The following TMEM164 variants were observed in gnomAD, a reference collection of about 807,000 sequenced individuals.
TMEM164 encodes the protein transmembrane protein 164, also known as RP13-360B22.2.
TMEM164 carries 4 observed loss-of-function variants against 18.8 expected under a neutral mutation model. The ratio of observed to expected loss-of-function variants is 0.21; its 90% CI spans 0.10 to 0.49. The LOEUF is 0.49. Ranked by LOEUF, TMEM164 falls within the 20% of genes least tolerant of loss-of-function variation. The pLI is 0.98. For missense variants in TMEM164, 108 were observed against 239.9 expected, an observed-to-expected ratio of 0.45 and a Z score of 3.63; for synonymous variants, 86 against 101.7, an observed-to-expected ratio of 0.85 and a Z score of 0.93.
chrX:110,177,262 T>A lies in TMEM164; in HGVS notation c.*3811T>A, dbSNP rs773640341. On this transcript the variant is annotated 3_prime_UTR_variant, in exon 7 of 7. Coordinates refer to ENST00000372068, the MANE Select transcript of TMEM164 (RefSeq NM_032227.4). ...CCATTTTGTGTTCTATTTTAAAGAA[T>A]CTTTCATTTATATTGGTGTTATTGT... is the stretch of plus-strand genomic sequence containing the variant. 2 of 113,010 alleles carry A rather than the reference T, an allele frequency of 1.8e-5. No homozygotes were observed. Among genetic ancestry groups the A allele is most frequent in the South Asian group, 3.6e-4 (1 of 2,754 alleles). 9.3% of individuals were successfully genotyped at this position (113,010 alleles called of 1,213,427 possible).
At chrX:110,124,063 C>A (rs1328764969) in intron 4 of TMEM164, among the ~76,000 whole-genome samples, 3 of 108,339 alleles carry the variant, frequency 2.8e-5, no homozygotes, top group Non-Finnish European at 5.7e-5. Flanking sequence ...TTACCATGAG[C>A]CATGATCATG....
At chrX:110,038,937 C>A (rs1490580529) in intron 2 of TMEM164, among the ~76,000 whole-genome samples, 1 of 111,537 alleles carries the variant, frequency 9.0e-6, no homozygotes, top group Admixed American at 9.5e-5. Context: ...TATTTGGTTT[C>A]TCTTTTGATC....
intron 4 of TMEM164, among the ~76,000 whole-genome samples, chrX:110,119,177 A>G (rs1197642767): frequency 8.9e-6 from 1 of 112,673 alleles, no homozygotes; most frequent in Non-Finnish European, 1.9e-5. Flanking sequence ...TTTTAAAAAA[A>G]TCATCACCAA....
At chrX:110,015,782 G>A (rs1272777042) in intron 2 of TMEM164, among the ~76,000 whole-genome samples, 2 of 111,921 alleles carry the variant, frequency 1.8e-5, no homozygotes, top group African/African-American at 6.5e-5. Flanking sequence ...GAAAGGGACC[G>A]CCTCTACATT....
chrX:110,162,640 A>G (rs2067108521), intron 5 of TMEM164, among the ~76,000 whole-genome samples: 1 of 112,316 alleles, frequency 8.9e-6, no homozygotes, highest in South Asian at 3.7e-4. Flanking sequence ...AAGAATGGGG[A>G]ATCAAATATT....
At chrX:110,180,485 A>ACC (rs1235561540), downstream of TMEM164, among the ~76,000 whole-genome samples, 1 of 101,613 alleles carries the variant, frequency 9.8e-6, no homozygotes, top group African/African-American at 4.1e-5. Context: ...TACTGCCTGA[A>ACC]CCCCCCCGCC....
chrX:110,061,475 A>G lies in TMEM164; in HGVS notation c.391-5872A>G, dbSNP rs369211672. 1.2e-4 allele frequency among the ~76,000 whole-genome samples: 13 copies of G among 112,206 alleles called. No homozygotes were observed. In the East Asian group the frequency reaches 1.7e-3, roughly 14 times the overall value. On this transcript the variant is annotated intron_variant, in intron 2 of 6. Coordinates refer to ENST00000372068, the MANE Select transcript of TMEM164 (RefSeq NM_032227.4). ...CTTCTTAGTAGGGATGAATTTGCCA[A>G]TGGGACTAGAAAACATGATATTTAT... is the stretch of plus-strand genomic sequence containing the variant.
At chrX:110,143,838 C>T (rs994031838) in intron 4 of TMEM164, among the ~76,000 whole-genome samples, 7 of 108,269 alleles carry the variant, frequency 6.5e-5, no homozygotes, top group African/African-American at 2.1e-4. Context: ...TGTGTGTACA[C>T]GTGTGTGTGT....
At chrX:110,077,798 C>T (rs1278749919) in intron 3 of TMEM164, among the ~76,000 whole-genome samples, 2 of 112,180 alleles carry the variant, frequency 1.8e-5, no homozygotes, top group African/African-American at 6.5e-5. Flanking sequence ...TCTCTTCTGG[C>T]TTGAAAGGAT....
At chrX:110,092,141 A>G (rs964481791) in intron 3 of TMEM164, among the ~76,000 whole-genome samples, 1 of 111,937 alleles carries the variant, frequency 8.9e-6, no homozygotes, top group Admixed American at 9.5e-5. Context: ...GTCAGATAGC[A>G]TGATGCCTCC....
Position 110,003,815 on chromosome X carries a change from A to G in TMEM164, c.41A>G (p.Tyr14Cys). The change falls in exon 2 of 7, where the codon TAT becomes TGT. Residue 14 changes from tyrosine (Y) to cysteine (C), a missense_variant. Tyr to Cys is a radical substitution (Grantham distance 194). Coordinates refer to ENST00000372068, the MANE Select transcript of TMEM164 (RefSeq NM_032227.4). ...TACCAGAGTCTCCTGGACTGGCTCT[A>G]TGGGGGCGTGGACCCCAGTTTTGCA... is the stretch of plus-strand genomic sequence containing the variant. ...YSYQSLLDWLYGGVDPSFAGN... is the reference protein window; with the variant it reads ...YSYQSLLDWLCGGVDPSFAGN... The G allele has an allele frequency of 2.5e-6, 3 of 1,209,693 alleles. No homozygotes were observed. Among genetic ancestry groups the G allele is most frequent in the South Asian group, 1.8e-5 (1 of 56,636 alleles).
At chrX:110,029,955 A>C (rs1008260158) in intron 2 of TMEM164, among the ~76,000 whole-genome samples, 2 of 110,701 alleles carry the variant, frequency 1.8e-5, no homozygotes, top group Non-Finnish European at 3.8e-5. Context: ...TTTTTTAAAA[A>C]AAACTTTATT....
At chrX:110,090,512 T>C (rs930021948) in intron 3 of TMEM164, among the ~76,000 whole-genome samples, 2 of 110,290 alleles carry the variant, frequency 1.8e-5, no homozygotes, top group African/African-American at 6.6e-5. Flanking sequence ...AGGTGGGGTT[T>C]CACCATATTA....
At chrX:110,032,366 CACTT>C (rs1258595601) in intron 2 of TMEM164, among the ~76,000 whole-genome samples, 2 of 111,563 alleles carry the variant, frequency 1.8e-5, no homozygotes, top group Non-Finnish European at 3.8e-5. Context: ...TTTGTCTAAA[CACTT>C]AGTTAATATC....
chrX:110,023,845 C>T (rs1286692350), intron 2 of TMEM164, among the ~76,000 whole-genome samples: 3 of 111,748 alleles, frequency 2.7e-5, no homozygotes, highest in African/African-American at 9.8e-5. Context: ...GACGAAGAAC[C>T]ATTTGCCAAT....
At chrX:110,142,348 C>G (rs188450827) in intron 4 of TMEM164, among the ~76,000 whole-genome samples, 1 of 112,161 alleles carries the variant, frequency 8.9e-6, no homozygotes, top group East Asian at 2.8e-4. Context: ...TGGCTCCTCC[C>G]CACGGGGCAT....
chrX:110,037,984 ATTTTTTTT>A (rs1036705725), intron 2 of TMEM164, among the ~76,000 whole-genome samples: 1 of 72,712 alleles, frequency 1.4e-5, no homozygotes, highest in Admixed American at 1.7e-4. Flanking sequence ...CTTTGGACTC[ATTTTTTTT>A]TTTTTTTTTT....
At chrX:110,006,068 C>G (rs1932688074) in intron 2 of TMEM164, among the ~76,000 whole-genome samples, 1 of 111,766 alleles carries the variant, frequency 8.9e-6, no homozygotes, top group Non-Finnish European at 1.9e-5. Context: ...GGAGAAAGTA[C>G]TCTTCCTGGG....
chrX:110,073,105 C>T (rs2147867671), intron 3 of TMEM164, among the ~76,000 whole-genome samples: 1 of 111,572 alleles, frequency 9.0e-6, no homozygotes, highest in Non-Finnish European at 1.9e-5. Context: ...GAACGTGGCT[C>T]ACTATAGCCT....
Sources: allele counts gnomAD v4.1 joint callset (sites outside exome capture counted in the v4.1 genomes callset), GRCh38; gene constraint gnomAD v4.1.1; transcripts MANE v1.5; gene names NCBI Gene and HGNC (gene_info 2026-07-23, HGNC 2026-07-21).